Variants in SLC24A2 observed in about 807,000 individuals in gnomAD.
SLC24A2 encodes sodium/potassium/calcium exchanger 2.
SLC24A2 carries 36 observed loss-of-function variants against 62.0 expected under a neutral mutation model. The observed-to-expected ratio is 0.58, with a 90% CI of 0.44 to 0.77. The LOEUF is 0.77. Among genes scored for constraint, SLC24A2 ranks in the 30% least tolerant of loss-of-function variants. The pLI is 0.00. For missense variants in SLC24A2, 846 were observed against 817.9 expected (o/e 1.03, Z -0.42); for synonymous variants, 358 against 294.0 (o/e 1.22, Z -2.23).
chr9:20,195,396 T>C, the SLC24A2 span, among the ~76,000 whole-genome samples: 1 of 152,204 alleles, frequency 6.6e-6, no homozygotes, highest in Non-Finnish European at 1.5e-5. Context: ...AGTGTGTTTT[T>C]ATTGATGTTT....
At chr9:19,698,436 A>T (rs1248904255) in intron 2 of SLC24A2, among the ~76,000 whole-genome samples, 1 of 152,176 alleles carries the variant, frequency 6.6e-6, no homozygotes, top group East Asian at 1.9e-4. Flanking sequence ...AATCCAAAAC[A>T]CTTCTGGTTC....
chr9:20,241,726 C>T, the SLC24A2 span, among the ~76,000 whole-genome samples: 1 of 152,062 alleles, frequency 6.6e-6, no homozygotes, highest in Non-Finnish European at 1.5e-5. Flanking sequence ...AGCGAGTAAT[C>T]CCAGCCTAAG....
chr9:20,120,732 G>T, the SLC24A2 span, among the ~76,000 whole-genome samples: 19 of 152,008 alleles, frequency 1.2e-4, 1 homozygote, highest in South Asian at 1.2e-3. Flanking sequence ...AGGAAAAGCA[G>T]CAGCTTTGCC....
intron 2 of SLC24A2, among the ~76,000 whole-genome samples, chr9:19,679,177 A>T (rs548174106): frequency 3.3e-5 from 5 of 152,320 alleles, no homozygotes; most frequent in Non-Finnish European, 4.4e-5. Flanking sequence ...TACAAGTTAC[A>T]GTTTACAGAA....
At chr9:19,643,727 C>G (rs1484345606) in intron 2 of SLC24A2, among the ~76,000 whole-genome samples, 1 of 152,198 alleles carries the variant, frequency 6.6e-6, no homozygotes, top group East Asian at 1.9e-4. Flanking sequence ...CTGCAAAGAA[C>G]TTGTAATATA....
the SLC24A2 span, among the ~76,000 whole-genome samples, chr9:20,124,981 C>A: frequency 6.6e-6 from 1 of 152,142 alleles, no homozygotes; most frequent in Non-Finnish European, 1.5e-5. Context: ...AACAATAGAT[C>A]TAGATTCAAA....
At chr9:20,096,342 A>G in the SLC24A2 span, among the ~76,000 whole-genome samples, 1 of 152,164 alleles carries the variant, frequency 6.6e-6, no homozygotes, top group Non-Finnish European at 1.5e-5. Context: ...TCTCAGGAAT[A>G]TCTTCTTATA....
At chr9:20,117,579 T>C in the SLC24A2 span, among the ~76,000 whole-genome samples, 1 of 152,104 alleles carries the variant, frequency 6.6e-6, no homozygotes, top group Non-Finnish European at 1.5e-5. Flanking sequence ...CAATAGGCAG[T>C]ATGCTAAATG....
At chr9:20,007,783 C>A in the SLC24A2 span, among the ~76,000 whole-genome samples, 1 of 150,936 alleles carries the variant, frequency 6.6e-6, no homozygotes, top group Non-Finnish European at 1.5e-5. Flanking sequence ...TTATAAATCT[C>A]CTGTCCTCTT....
chr9:20,223,057 G>C, the SLC24A2 span, among the ~76,000 whole-genome samples: 1 of 151,918 alleles, frequency 6.6e-6, no homozygotes, highest in Non-Finnish European at 1.5e-5. Context: ...AAAGTTTAAG[G>C]TTTATACAAA....
At chr9:19,851,000 TACACA>T in the SLC24A2 span, among the ~76,000 whole-genome samples, 101 of 45,090 alleles carry the variant, frequency 2.2e-3, 4 homozygotes, top group Middle Eastern at 0.019. Flanking sequence ...TATATATATA[TACACA>T]TACATATATA....
the SLC24A2 span, among the ~76,000 whole-genome samples, chr9:19,797,275 G>A: frequency 6.7e-4 from 102 of 152,234 alleles, no homozygotes; most frequent in African/African-American, 2.2e-3. Flanking sequence ...GTAGGTGTTC[G>A]ATAAGTATCT....
At chr9:19,715,007 C>T (rs1820818471) in intron 2 of SLC24A2, among the ~76,000 whole-genome samples, 1 of 151,946 alleles carries the variant, frequency 6.6e-6, no homozygotes, top group Admixed American at 6.6e-5. Flanking sequence ...TGGGAAAAGT[C>T]TATTTCTAAG....
In SLC24A2 at chr9:19,786,582, C is replaced by T; in HGVS notation, c.285G>A (p.Leu95=). 6.2e-7 allele frequency: 1 copy of T among 1,614,096 alleles called. No individual in the cohort carries two copies. Reference sequence around the variant, plus strand: ...AAAGAGGTGGCTGTGGAGTATAATCCAGAATCTTGTCATTTAAATCTAAGA... The same window carrying T: ...AAAGAGGTGGCTGTGGAGTATAATCTAGAATCTTGTCATTTAAATCTAAGA... ...RTLLDLNDKI[L]DYTPQPPLSK... The change falls in exon 2 of 11, where the codon CTG becomes CTA. Residue 95 remains leucine, a synonymous_variant. Transcript: ENST00000341998. This position sits in a 1 kb window ranked among gnomAD's most constrained non-coding sequence, Gnocchi z 5.0.
At chr9:19,770,226 C>T (rs981832339) in intron 2 of SLC24A2, among the ~76,000 whole-genome samples, 1 of 151,844 alleles carries the variant, frequency 6.6e-6, no homozygotes, top group Non-Finnish European at 1.5e-5. Context: ...CATTGATCTT[C>T]TGGCATCTAT....
the SLC24A2 span, among the ~76,000 whole-genome samples, chr9:20,209,962 C>G: frequency 6.6e-6 from 1 of 152,148 alleles, no homozygotes; most frequent in Non-Finnish European, 1.5e-5. Context: ...CTCTCAATAC[C>G]TCAAGTGAAA....
chr9:19,615,982 A>G (rs1817756492), intron 4 of SLC24A2, among the ~76,000 whole-genome samples: 1 of 145,088 alleles, frequency 6.9e-6, no homozygotes, highest in Non-Finnish European at 1.5e-5. Context: ...ACATGACCAC[A>G]TTCACAGGCG....
At chr9:19,724,907 A>T (rs993077652) in intron 2 of SLC24A2, among the ~76,000 whole-genome samples, 25 of 152,234 alleles carry the variant, frequency 1.6e-4, no homozygotes, top group South Asian at 4.2e-4. Context: ...GTTAAATCCA[A>T]AATCCTACAC....
At chr9:19,787,799 A>G (rs1328832755) in intron 1 of SLC24A2, among the ~76,000 whole-genome samples, 1 of 152,230 alleles carries the variant, frequency 6.6e-6, no homozygotes. Context: ...CTCCCAATGC[A>G]GTGAAATAAC....
Sources: gnomAD v4.1 joint callset for allele counts (sites outside exome capture counted in the v4.1 genomes callset) on GRCh38, gnomAD v4.1.1 for gene constraint, Gnocchi (gnomAD v3.1) non-coding constraint, MANE v1.5 for transcripts, NCBI Gene and HGNC (gene_info 2026-07-23, HGNC 2026-07-21) for gene names.